The following RORA variants were observed in gnomAD, a reference collection of about 807,000 sequenced individuals.
RORA encodes the protein RAR related orphan receptor A.
In RORA, 7 loss-of-function variants were observed where a neutral mutation model predicts 69.5. The ratio of observed to expected loss-of-function variants is 0.10; its 90% confidence interval spans 0.06 to 0.19. The LOEUF (loss-of-function observed/expected upper bound fraction) is 0.19. Among genes scored for constraint, RORA ranks in the 10% least tolerant of loss-of-function variants. RORA has a pLI of 1.00. For missense variants in RORA, 457 were observed against 663.0 expected (o/e 0.69, Z 3.41); for synonymous variants, 261 against 240.8 (o/e 1.08, Z -0.78).
chr15:60,558,433 T>C, intron 2 of RORA: 1 of 597,342 alleles, frequency 1.7e-6, no homozygotes, highest in South Asian at 2.3e-5. Flanking sequence ...ATTTAATAGA[T>C]CTCATACACC....
At chr15:61,016,028 G>C (rs1408339862) in intron 1 of RORA, among the ~76,000 whole-genome samples, 1 of 152,220 alleles carries the variant, frequency 6.6e-6, no homozygotes, top group Non-Finnish European at 1.5e-5. Flanking sequence ...GGAACTAGCA[G>C]TGGCAGCCTG....
chr15:61,123,488 G>A (rs917029568), intron 1 of RORA, among the ~76,000 whole-genome samples: 6 of 152,096 alleles, frequency 3.9e-5, no homozygotes, highest in East Asian at 1.9e-4. Context: ...GGAGTTTCAC[G>A]TGTCCCAAAA....
intron 1 of RORA, among the ~76,000 whole-genome samples, chr15:61,075,527 T>C (rs2078436166): frequency 6.6e-6 from 1 of 152,160 alleles, no homozygotes; most frequent in South Asian, 2.1e-4. Context: ...AGGAATCTGT[T>C]TGAGTGGAGA....
intron 1 of RORA, among the ~76,000 whole-genome samples, chr15:61,112,792 C>T (rs868047779): frequency 5.9e-5 from 9 of 152,166 alleles, no homozygotes; most frequent in Non-Finnish European, 8.8e-5. Context: ...GAGTGCCCCT[C>T]GGGGCAATGG....
intron 4 of RORA, among the ~76,000 whole-genome samples, chr15:60,513,975 G>A (rs2065784316): frequency 1.3e-5 from 2 of 152,224 alleles, no homozygotes; most frequent in South Asian, 4.1e-4. Flanking sequence ...GAAATCTGGT[G>A]TTGATTATTC....
intron 1 of RORA, among the ~76,000 whole-genome samples, chr15:60,830,202 T>G (rs964487697): frequency 1.3e-5 from 2 of 152,230 alleles, no homozygotes; most frequent in African/African-American, 4.8e-5. Context: ...TTGTAATATG[T>G]ATTGGCATTC....
chr15:61,003,738 T>C (rs1042627432), intron 1 of RORA, among the ~76,000 whole-genome samples: 2 of 152,138 alleles, frequency 1.3e-5, no homozygotes, highest in Non-Finnish European at 2.9e-5. Context: ...CAGAAGAAAT[T>C]ATCTTTATAC....
chr15:60,632,278 T>G (rs1258977832), intron 2 of RORA, among the ~76,000 whole-genome samples: 1 of 152,060 alleles, frequency 6.6e-6, no homozygotes, highest in Non-Finnish European at 1.5e-5. Context: ...GGTAATTTTT[T>G]TCTATTTTTA....
chr15:61,025,288 G>T (rs980486462), intron 1 of RORA, among the ~76,000 whole-genome samples: 4 of 152,268 alleles, frequency 2.6e-5, no homozygotes, highest in Admixed American at 2.6e-4. Context: ...CTGAGGCTCG[G>T]TATCACAAAG....
At chr15:60,780,401 G>T (rs1280621821) in intron 1 of RORA, among the ~76,000 whole-genome samples, 1 of 152,160 alleles carries the variant, frequency 6.6e-6, no homozygotes, top group East Asian at 1.9e-4. Flanking sequence ...GTGAACATCC[G>T]CATGTAAGAT....
intron 1 of RORA, among the ~76,000 whole-genome samples, chr15:61,164,250 A>T (rs2079522329): frequency 6.6e-6 from 1 of 152,114 alleles, no homozygotes; most frequent in Non-Finnish European, 1.5e-5. Context: ...TATTTTCCAC[A>T]TTTGCTGTCT....
chr15:60,622,048 CA>C (rs201339236), intron 2 of RORA, among the ~76,000 whole-genome samples: 1 of 149,974 alleles, frequency 6.7e-6, no homozygotes, highest in Non-Finnish European at 1.5e-5. Flanking sequence ...AACTGTGACT[CA>C]AAAAAAAGGA....
intron 1 of RORA, among the ~76,000 whole-genome samples, chr15:60,742,316 G>A (rs1219261349): frequency 6.6e-6 from 1 of 152,150 alleles, no homozygotes; most frequent in Non-Finnish European, 1.5e-5. Context: ...CTATTCAGAA[G>A]AATGTGAAAA....
chr15:60,644,746 C>T (rs988483094), intron 2 of RORA, among the ~76,000 whole-genome samples: 1 of 152,144 alleles, frequency 6.6e-6, no homozygotes, highest in Non-Finnish European at 1.5e-5. Context: ...GGTGTGTGTC[C>T]TCCTTCCTGG....
At chr15:60,713,490 G>C (rs1389375182) in intron 1 of RORA, among the ~76,000 whole-genome samples, 1 of 152,160 alleles carries the variant, frequency 6.6e-6, no homozygotes, top group Non-Finnish European at 1.5e-5. Context: ...AACTGAGACT[G>C]AACAGTGGCA....
At chr15:60,517,110 C>CTTTTTTTTTTTT (rs34707279) in intron 3 of RORA, among the ~76,000 whole-genome samples, 6 of 141,270 alleles carry the variant, frequency 4.2e-5, no homozygotes, top group Admixed American at 2.1e-4. Flanking sequence ...TTCATCTGTG[C>CTTTTTTTTTTTT]TTTTTTTTTT....
Position 60,489,766 on chromosome 15 carries a change from A to G in RORA, c.*7689T>C, listed in dbSNP as rs890412703. 1 of 152,118 alleles carries G rather than the reference A, an allele frequency of 6.6e-6. No individual in the cohort carries two copies. Among genetic ancestry groups the G allele is most frequent in the African/African-American group, 2.4e-5 (1 of 41,402 alleles). 9.4% of individuals were successfully genotyped at this position (152,118 alleles called of 1,614,324 possible). A position where few individuals can be genotyped will look rare whatever the true frequency, so the allele number is the denominator to read the frequency against. The stretch of plus-strand genomic sequence containing the variant: ...TTATTCTGCCATCAAGCCATCTAGG[A>G]TATTTTATGTAAATGCCCATTATCT... On this transcript the variant is annotated 3_prime_UTR_variant, in exon 11 of 11. Coordinates refer to ENST00000335670, the MANE Select transcript of RORA (RefSeq NM_134261.3).
At chr15:60,756,096 A>G (rs1283294485) in intron 1 of RORA, among the ~76,000 whole-genome samples, 1 of 152,228 alleles carries the variant, frequency 6.6e-6, no homozygotes, top group African/African-American at 2.4e-5. Context: ...GGGTTTCACA[A>G]AAAAAGTTTC....
chr15:61,015,680 A>T lies in RORA; in HGVS notation c.166+213373T>A, dbSNP rs940541372. On this transcript the variant is annotated intron_variant, in intron 1 of 10. Transcript: ENST00000335670. The stretch of plus-strand genomic sequence containing the variant: ...TACTCACCAAAAATGTGGGGCTTAA[A>T]GAGATTGAGCAACTTGCTATAGATC... Among the ~76,000 whole-genome samples the T allele has an allele frequency of 2.6e-5, 4 of 152,370 alleles. No homozygotes were observed. The East Asian group carries it at 7.7e-4, about 29-fold the overall frequency.
Sources: gnomAD v4.1 joint callset for allele counts (sites outside exome capture counted in the v4.1 genomes callset) on GRCh38, gnomAD v4.1.1 for gene constraint, MANE v1.5 for transcripts, NCBI Gene and HGNC (gene_info 2026-07-23, HGNC 2026-07-21) for gene names.